Variants in EHMT1 observed in about 807,000 individuals in gnomAD.
EHMT1 encodes the protein histone-lysine N-methyltransferase EHMT1.
EHMT1 carries 15 observed loss-of-function variants against 147.2 expected under a neutral mutation model. The ratio of observed to expected loss-of-function variants is 0.10; its 90% confidence interval spans 0.07 to 0.16. The LOEUF is 0.16. EHMT1 is among the 10% of genes least tolerant of loss of function. EHMT1 has a pLI of 1.00. For missense variants in EHMT1, 1,587 were observed against 1,772.4 expected (o/e 0.90, Z 1.88); for synonymous variants, 795 against 709.6 (o/e 1.12, Z -1.91).
chr9:137,704,902 GTTCC>G (rs1181393188), intron 1 of EHMT1, among the ~76,000 whole-genome samples: 1 of 124,334 alleles, frequency 8.0e-6, no homozygotes, highest in Non-Finnish European at 1.7e-5. Flanking sequence ...TCCTTTCCTT[GTTCC>G]TTCCTTCCTT....
At position 137,639,397 on chromosome 9, in the gene EHMT1, A is replaced by T. The variant is rs56051001; in HGVS notation, c.21+20348A>T. ...TTCTCATTTTCTTTCTAGTTCTATT[A>T]GTTATTGAGAGTAGAGTATGAGATC... is the stretch of plus-strand genomic sequence containing the variant. On this transcript the variant is annotated intron_variant, in intron 1 of 26. Coordinates refer to ENST00000460843, the MANE Select transcript of EHMT1 (RefSeq NM_024757.5). Among the ~76,000 whole-genome samples, 1,135 of 152,152 alleles carry T rather than the reference A, an allele frequency of 7.5e-3. 17 individuals carry two copies. The highest frequency in any genetic ancestry group is 0.01 in the Middle Eastern group (3 of 294).
chr9:137,689,083 C>T (rs563659986), intron 1 of EHMT1, among the ~76,000 whole-genome samples: 1 of 152,320 alleles, frequency 6.6e-6, no homozygotes, highest in East Asian at 1.9e-4. Context: ...CTCCATCCCC[C>T]AGGAGTGACT....
At chr9:137,734,120 C>A (rs764823290) in intron 4 of EHMT1, among the ~76,000 whole-genome samples, 5 of 152,142 alleles carry the variant, frequency 3.3e-5, no homozygotes, top group African/African-American at 4.8e-5. Context: ...ATGGCCCAAT[C>A]AGATGCAAAA....
intron 4 of EHMT1, among the ~76,000 whole-genome samples, chr9:137,739,861 TG>T: frequency 6.6e-6 from 1 of 152,264 alleles, no homozygotes; most frequent in East Asian, 1.9e-4. Flanking sequence ...TGTGTGGACT[TG>T]TCGGGCAGGG....
intron 1 of EHMT1, among the ~76,000 whole-genome samples, chr9:137,692,719 T>G (rs1359888494): frequency 6.6e-6 from 1 of 151,904 alleles, no homozygotes; most frequent in Non-Finnish European, 1.5e-5. Flanking sequence ...CGTTGCATGG[T>G]GTGTGTGTGT....
chr9:137,738,144 A>G (rs1320980881), intron 4 of EHMT1, among the ~76,000 whole-genome samples: 2 of 151,944 alleles, frequency 1.3e-5, no homozygotes, highest in Non-Finnish European at 2.9e-5. Context: ...CAGTGAGCCG[A>G]GATCGGACCA....
At chr9:137,695,274 G>A (rs544141286) in intron 1 of EHMT1, among the ~76,000 whole-genome samples, 3 of 152,328 alleles carry the variant, frequency 2.0e-5, no homozygotes, top group East Asian at 3.9e-4. Context: ...GACTACAGCC[G>A]TTGAGCCTAG....
chr9:137,626,133 C>CT (rs1055091502), intron 1 of EHMT1, among the ~76,000 whole-genome samples: 6 of 151,390 alleles, frequency 4.0e-5, no homozygotes, highest in African/African-American at 1.2e-4. Context: ...TCCCAAAGTG[C>CT]TGAGATTACA....
intron 1 of EHMT1, among the ~76,000 whole-genome samples, chr9:137,710,724 T>C (rs1318291299): frequency 6.6e-6 from 1 of 152,126 alleles, no homozygotes; most frequent in Non-Finnish European, 1.5e-5. Flanking sequence ...CATGAATGCG[T>C]TCTTATTGTT....
At chr9:137,675,617 C>T (rs1482557479) in intron 1 of EHMT1, among the ~76,000 whole-genome samples, 3 of 141,730 alleles carry the variant, frequency 2.1e-5, no homozygotes, top group African/African-American at 5.5e-5. Context: ...GTGCCGGCCA[C>T]CACGCCCGGC....
chr9:137,751,835 A>G (rs1948993643), intron 6 of EHMT1, among the ~76,000 whole-genome samples: 1 of 152,230 alleles, frequency 6.6e-6, no homozygotes, highest in South Asian at 2.1e-4. Flanking sequence ...GGCGTGGGCA[A>G]CTTAGCTGTG....
chr9:137,639,769 A>G (rs1475348017), intron 1 of EHMT1, among the ~76,000 whole-genome samples: 2 of 152,060 alleles, frequency 1.3e-5, no homozygotes, highest in Non-Finnish European at 2.9e-5. Context: ...AATCATATAT[A>G]TGTATTTTTC....
At chr9:137,669,612 TCTTCC>T (rs1483869029) in intron 1 of EHMT1, among the ~76,000 whole-genome samples, 1 of 150,118 alleles carries the variant, frequency 6.7e-6, no homozygotes, top group Non-Finnish European at 1.5e-5. Context: ...CTCCAGCAGC[TCTTCC>T]CTGGCCCCTC....
rs550054277 is a variant in EHMT1, at chr9:137,728,700, A to G, written c.823+171A>G. Reference sequence around the variant, plus strand: ...CTGTATGCCTGAGGAGGCACACCTGACCTCTGCTCTAAGCCTTGTCTCATG... The same window carrying G: ...CTGTATGCCTGAGGAGGCACACCTGGCCTCTGCTCTAAGCCTTGTCTCATG... On this transcript the variant is annotated intron_variant, in intron 4 of 26. Coordinates refer to ENST00000460843, the MANE Select transcript of EHMT1 (RefSeq NM_024757.5). The G allele has an allele frequency of 1.0e-5, 8 of 769,604 alleles. No individual in the cohort carries two copies. In the Admixed American group the frequency reaches 1.7e-4, roughly 16 times the overall value. 47.7% of individuals were successfully genotyped at this position (769,604 alleles called of 1,614,324 possible).
chr9:137,823,320 G>A (rs542312338), intron 25 of EHMT1, among the ~76,000 whole-genome samples: 52 of 151,264 alleles, frequency 3.4e-4, no homozygotes, highest in Middle Eastern at 3.4e-3. Flanking sequence ...GGATGGTCTC[G>A]ATCTCCTGAC....
Position 137,717,202 on chromosome 9 carries a change from T to C in EHMT1, c.642+20T>C. 3.7e-6 allele frequency: 6 copies of C among 1,610,174 alleles called. No individual in the cohort carries two copies. The highest frequency in any genetic ancestry group is 5.1e-6 in the Non-Finnish European group (6 of 1,179,918). ...GGCCTGGTAATTTTGTGTCTTCTCT[T>C]GCTGTTTCCTTTTTCCCATCTCTTT... On this transcript the variant is annotated intron_variant, in intron 3 of 26. Coordinates refer to ENST00000460843, the MANE Select transcript of EHMT1 (RefSeq NM_024757.5).
chr9:137,633,533 A>G (rs117556206), intron 1 of EHMT1, among the ~76,000 whole-genome samples: 5,377 of 152,284 alleles, frequency 0.035, 137 homozygotes, highest in Non-Finnish European at 0.056. Context: ...GTATCAGTCC[A>G]GGAGCAGATG....
chr9:137,800,836 G>T, intron 17 of EHMT1, 44 bp from the exon 18 acceptor site: 1 of 1,579,810 alleles, frequency 6.3e-7, no homozygotes, highest in Non-Finnish European at 8.7e-7. Context: ...TCTGGTGGTT[G>T]CCGGTCTCTG....
intron 6 of EHMT1, among the ~76,000 whole-genome samples, chr9:137,744,567 G>A (rs966439002): frequency 2.0e-5 from 3 of 152,182 alleles, no homozygotes; most frequent in South Asian, 4.1e-4. Context: ...TGATCCTCCC[G>A]CCTCAGTCTC....
Sources: gnomAD v4.1 joint callset for allele counts (sites outside exome capture counted in the v4.1 genomes callset) on GRCh38, gnomAD v4.1.1 for gene constraint, MANE v1.5 for transcripts, NCBI Gene and HGNC (gene_info 2026-07-23, HGNC 2026-07-21) for gene names.